GAK: variants seen among roughly 807,000 people sequenced by gnomAD.
GAK encodes cyclin-G-associated kinase.
Under a neutral mutation model 143.9 loss-of-function variants are expected in GAK, and 79 were observed. The ratio of observed to expected loss-of-function variants is 0.55; its 90% CI spans 0.46 to 0.66. The LOEUF (loss-of-function observed/expected upper bound fraction) is 0.66. Ranked by LOEUF, GAK falls within the 30% of genes least tolerant of loss-of-function variation. The pLI, the probability that GAK is intolerant of heterozygous loss-of-function variation, is 0.00. For synonymous variants in GAK, 881 were observed against 765.5 expected (o/e 1.15, Z -2.49); for missense variants, 1,693 against 1,779.7 (o/e 0.95, Z 0.88).
chr4:898,268 G>A (rs1474758872), intron 5 of GAK, 110 bp from the exon 6 acceptor site: 12 of 1,299,458 alleles, frequency 9.2e-6, no homozygotes, highest in South Asian at 2.7e-5. Flanking sequence ...GACAGCACTC[G>A]CCCAGGGCCA....
chr4:866,921 G>A (rs1231428185), intron 21 of GAK, 35 bp downstream of exon 21: 1 of 1,387,276 alleles, frequency 7.2e-7, no homozygotes, highest in Non-Finnish European at 9.7e-7. Flanking sequence ...CTCATCTACT[G>A]TGAAGCCACT....
chr4:910,147 C>T (rs762881151), intron 4 of GAK, among the ~76,000 whole-genome samples: 2 of 152,164 alleles, frequency 1.3e-5, no homozygotes, highest in African/African-American at 2.4e-5. Context: ...TCCTCCCAGG[C>T]ACAGCTGCAG....
At chr4:884,856 C>T (rs1042268721) in intron 11 of GAK, among the ~76,000 whole-genome samples, 9 of 152,210 alleles carry the variant, frequency 5.9e-5, no homozygotes, top group African/African-American at 2.2e-4. Context: ...CTAGGCACAT[C>T]GCAGAGGTGC....
chr4:882,441 G>A (rs1488435640), intron 14 of GAK, among the ~76,000 whole-genome samples: 1 of 152,152 alleles, frequency 6.6e-6, no homozygotes, highest in African/African-American at 2.4e-5. Context: ...GGGGAGGTGG[G>A]CTCCCCACAC....
At chr4:884,206 T>C (rs1217885565) in intron 11 of GAK, 120 bp from the exon 12 acceptor site, 1 of 794,858 alleles carries the variant, frequency 1.3e-6, no homozygotes, top group Non-Finnish European at 2.1e-6. Context: ...AGAGGCCGCA[T>C]CCCAGGAGGA....
In GAK at chr4:865,199, T is replaced by C. The variant is rs1429792555; in HGVS notation, c.3089A>G (p.Asn1030Ser). 1 of 1,612,944 alleles carries C rather than the reference T, an allele frequency of 6.2e-7. No individual in the cohort carries two copies. The highest frequency in any genetic ancestry group is 8.5e-7 in the Non-Finnish European group (1 of 1,179,790). ...AGCCCATCCTCCCAGCAGGTCTGGG[T>C]TGCTGGACGAGGCTGTCATCTTGCT... Reference protein sequence around the residue: ...EPSKMTASSSNPDLLGGWAAW... With the variant: ...EPSKMTASSSSPDLLGGWAAW... The change falls in exon 23 of 28, where the codon AAC becomes AGC. Residue 1030 changes from asparagine to serine, a missense_variant. By Grantham distance (46) the Asn-to-Ser change is conservative. This residue lies in a region of GAK where 822 missense variants were observed against 788.7 expected (regional missense o/e 1.04). Coordinates refer to ENST00000314167, the MANE Select transcript of GAK (RefSeq NM_005255.4).
intron 1 of GAK, among the ~76,000 whole-genome samples, chr4:928,168 C>T (rs1251395123): frequency 2.6e-5 from 4 of 152,200 alleles, no homozygotes; most frequent in Non-Finnish European, 5.9e-5. Flanking sequence ...AGTGATTCTC[C>T]TGCCTCAGCC....
chr4:882,314 C>T (rs1306158231), intron 14 of GAK, among the ~76,000 whole-genome samples: 1 of 152,222 alleles, frequency 6.6e-6, no homozygotes, highest in East Asian at 1.9e-4. Flanking sequence ...CTCATGGAAA[C>T]CTCAACTCCA....
intron 20 of GAK, 103 bp from the exon 21 acceptor site, chr4:867,535 GA>G (rs2152748307): frequency 3.3e-6 from 2 of 608,868 alleles, no homozygotes; most frequent in Non-Finnish European, 5.8e-6. Flanking sequence ...GGGCCTTGGT[GA>G]ACACACGTGG....
intron 9 of GAK, 70 bp downstream of exon 9, chr4:893,307 G>A (rs939347344): frequency 8.7e-7 from 1 of 1,149,592 alleles, no homozygotes; most frequent in Middle Eastern, 2.9e-4. Flanking sequence ...CCCTCTGCGG[G>A]GGATCTGGGG....
At chr4:921,971 A>C (rs1480478339) in intron 1 of GAK, among the ~76,000 whole-genome samples, 1 of 152,224 alleles carries the variant, frequency 6.6e-6, no homozygotes, top group African/African-American at 2.4e-5. Flanking sequence ...GTATCGCTAC[A>C]CATGTATCAC....
intron 15 of GAK, among the ~76,000 whole-genome samples, chr4:881,120 T>C (rs1715013928): frequency 6.6e-6 from 1 of 152,148 alleles, no homozygotes; most frequent in Non-Finnish European, 1.5e-5. Flanking sequence ...CCTCGCCCCG[T>C]CCACAGGCTG....
rs750800022 is a variant in GAK at position 866,941 on chromosome 4, A to G, written c.2872+15T>C. ...CTACTGTGAAGCCACTCGCCTTCAGAACAGAAACACGTACCAGCGGCAGGG... is the reference window on the plus strand; with the variant it reads ...CTACTGTGAAGCCACTCGCCTTCAGGACAGAAACACGTACCAGCGGCAGGG... On this transcript the variant is annotated intron_variant, in intron 21 of 27. Coordinates refer to ENST00000314167, the MANE Select transcript of GAK (RefSeq NM_005255.4). 1 of 1,471,894 alleles carries G rather than the reference A, an allele frequency of 6.8e-7. No individual in the cohort carries two copies. 91.2% of individuals were successfully genotyped at this position (1,471,894 alleles called of 1,614,324 possible). A position where few individuals can be genotyped will look rare whatever the true frequency, so the allele number is the denominator to read the frequency against.
chr4:876,872 G>A (rs572960535), intron 17 of GAK, among the ~76,000 whole-genome samples: 8 of 152,372 alleles, frequency 5.3e-5, no homozygotes, highest in South Asian at 2.1e-4. Context: ...ACTCAGTCTC[G>A]ATGGAAACGC....
At chr4:913,964 C>T (rs1159602738) in intron 1 of GAK, 1 of 265,220 alleles carries the variant, frequency 3.8e-6, no homozygotes, top group South Asian at 2.6e-5. Flanking sequence ...ACAGCCCCAG[C>T]GTGCACGGCC....
intron 5 of GAK, among the ~76,000 whole-genome samples, chr4:899,419 G>A (rs138006449): frequency 1.7e-3 from 264 of 152,254 alleles, no homozygotes; most frequent in Non-Finnish European, 3.1e-3. Context: ...CGGTCAGTAC[G>A]GGCTCCCACA....
In GAK at chr4:849,383, C is replaced by G. The variant is rs528119962; in HGVS notation, c.*290G>C. On this transcript the variant is annotated 3_prime_UTR_variant, in exon 28 of 28. Coordinates refer to ENST00000314167, the MANE Select transcript of GAK (RefSeq NM_005255.4). ...GCCAGCAGCGTGGCCCACCACGTGC[C>G]GGGGCTCCAGAGGCCACGCCCGAAA... 24 of 476,578 alleles carry G rather than the reference C, an allele frequency of 5.0e-5. No homozygotes were observed. Among genetic ancestry groups the G allele is most frequent in the African/African-American group, 4.5e-4 (23 of 51,632 alleles). The allele number at this position is 476,578 out of a possible 1,614,324, so 29.5% of individuals were successfully genotyped here. A position where few individuals can be genotyped will look rare whatever the true frequency, so the allele number is the denominator to read the frequency against.
At chr4:919,626 G>C (rs527610512) in intron 1 of GAK, among the ~76,000 whole-genome samples, 24 of 152,358 alleles carry the variant, frequency 1.6e-4, no homozygotes, top group Non-Finnish European at 2.5e-4. Context: ...GCGTCCCTCA[G>C]GAGCTGCTCC....
chr4:912,306 A>G (rs971417944), intron 3 of GAK: 3 of 394,612 alleles, frequency 7.6e-6, no homozygotes, highest in Non-Finnish European at 1.6e-5. Context: ...TGCCCCGCCC[A>G]GTCATGCTGG....
Sources: gnomAD v4.1 joint callset for allele counts (sites outside exome capture counted in the v4.1 genomes callset) on GRCh38, gnomAD v4.1.1 for gene constraint, gnomAD v4.1.1 regional missense constraint, MANE v1.5 for transcripts, NCBI Gene and HGNC (gene_info 2026-07-23, HGNC 2026-07-21) for gene names.